TTC28: variants seen among roughly 807,000 people sequenced by gnomAD.
The protein encoded by TTC28 is tetratricopeptide repeat protein 28.
In TTC28, 61 loss-of-function variants were observed where a neutral mutation model predicts 198.0. That is an observed-to-expected ratio of 0.31 (90% CI 0.25 to 0.38). The LOEUF (loss-of-function observed/expected upper bound fraction) is 0.38. Ranked by LOEUF, TTC28 falls within the 10% of genes least tolerant of loss-of-function variation. The pLI is 1.00. For synonymous variants in TTC28, 1,171 were observed against 1,297.8 expected (o/e 0.90, Z 2.10); for missense variants, 2,678 against 3,164.0 (o/e 0.85, Z 3.69).
At chr22:28,163,636 C>T (rs775206143) in intron 5 of TTC28, 37 bp from the exon 6 acceptor site, 3 of 1,476,136 alleles carry the variant, frequency 2.0e-6, no homozygotes, top group Non-Finnish European at 1.8e-6. Flanking sequence ...AATGAAAACA[C>T]ATCAGAATGG....
At chr22:28,230,026 G>A (rs16986168) in intron 5 of TTC28, among the ~76,000 whole-genome samples, 1 of 152,114 alleles carries the variant, frequency 6.6e-6, no homozygotes, top group African/African-American at 2.4e-5. Flanking sequence ...TGGGAACCTG[G>A]TATCCAGTTT....
At chr22:28,132,856 G>C (rs950613134) in intron 6 of TTC28, among the ~76,000 whole-genome samples, 15 of 152,150 alleles carry the variant, frequency 9.9e-5, no homozygotes, top group African/African-American at 3.6e-4. Context: ...TTCTCTAAAA[G>C]TCACAGTTTC....
At chr22:28,138,026 T>A (rs538586449) in intron 6 of TTC28, among the ~76,000 whole-genome samples, 288 of 151,438 alleles carry the variant, frequency 1.9e-3, no homozygotes, top group African/African-American at 5.9e-3. Context: ...TGTTTTTTTT[T>A]AAAAAAAAGG....
At chr22:28,211,889 C>T (rs1249733485) in intron 5 of TTC28, among the ~76,000 whole-genome samples, 1 of 152,134 alleles carries the variant, frequency 6.6e-6, no homozygotes, top group Non-Finnish European at 1.5e-5. Flanking sequence ...AAATAAAGCA[C>T]TCCTCAGCAA....
At position 28,011,044 on chromosome 22, in the gene TTC28, C is replaced by T. The variant is rs549103552; in HGVS notation, c.4218+3204G>A. On this transcript the variant is annotated intron_variant, in intron 14 of 22. Coordinates refer to ENST00000397906, the MANE Select transcript of TTC28 (RefSeq NM_001145418.2). ...AGTCCAATCAGGCACAGCTGCCTCTCTGTATCCCTGGGGGATTATTCCAGG... is the reference window on the plus strand; with the variant it reads ...AGTCCAATCAGGCACAGCTGCCTCTTTGTATCCCTGGGGGATTATTCCAGG... 7.2e-5 allele frequency among the ~76,000 whole-genome samples: 11 copies of T among 152,286 alleles called. No homozygotes were observed. The South Asian group carries it at 1.5e-3, about 20-fold the overall frequency.
At chr22:28,463,591 G>T (rs1231943043) in intron 2 of TTC28, among the ~76,000 whole-genome samples, 4 of 152,124 alleles carry the variant, frequency 2.6e-5, no homozygotes, top group Non-Finnish European at 5.9e-5. Flanking sequence ...CCATAAAAAA[G>T]GATGAGTCAT....
At chr22:28,522,169 C>T (rs1035429196) in intron 2 of TTC28, among the ~76,000 whole-genome samples, 1 of 152,118 alleles carries the variant, frequency 6.6e-6, no homozygotes, top group Non-Finnish European at 1.5e-5. Context: ...TAAGAACTTT[C>T]ATAGTACCAT....
In TTC28 at chr22:28,049,901, C is replaced by G. The variant is rs534900516; in HGVS notation, c.3933-19535G>C. On this transcript the variant is annotated intron_variant, in intron 12 of 22. Coordinates refer to ENST00000397906, the MANE Select transcript of TTC28 (RefSeq NM_001145418.2). ...AGGTGAGTATCTCTGGGCCCTTCCA[C>G]TGGGCCTCTGAAACAAAGTACCCAT... 2.6e-5 allele frequency among the ~76,000 whole-genome samples: 4 copies of G among 152,204 alleles called. No homozygotes were observed. The South Asian group carries it at 8.3e-4, about 32-fold the overall frequency.
intron 12 of TTC28, among the ~76,000 whole-genome samples, chr22:28,054,113 G>C (rs1279670803): frequency 2.0e-5 from 3 of 152,180 alleles, no homozygotes; most frequent in Non-Finnish European, 4.4e-5. Context: ...CCCTCCTAGA[G>C]AGAAAGTAAG....
At chr22:28,050,331 G>A (rs548545327) in intron 12 of TTC28, among the ~76,000 whole-genome samples, 1 of 152,282 alleles carries the variant, frequency 6.6e-6, no homozygotes, top group African/African-American at 2.4e-5. Context: ...ATTTCCATTA[G>A]CACAGCCCTC....
intron 2 of TTC28, among the ~76,000 whole-genome samples, chr22:28,354,718 C>T (rs771152991): frequency 3.3e-5 from 5 of 152,178 alleles, no homozygotes; most frequent in Middle Eastern, 3.4e-3. Flanking sequence ...AAAGAACAAA[C>T]AAGAAAGCAA....
At chr22:28,245,278 T>C (rs890064299) in intron 5 of TTC28, among the ~76,000 whole-genome samples, 4 of 152,196 alleles carry the variant, frequency 2.6e-5, no homozygotes, top group African/African-American at 9.6e-5. Flanking sequence ...GGCAAAATCA[T>C]AGACTTTCAA....
intron 7 of TTC28, among the ~76,000 whole-genome samples, chr22:28,106,088 A>G (rs1942292550): frequency 6.6e-6 from 1 of 152,236 alleles, no homozygotes; most frequent in South Asian, 2.1e-4. Context: ...GCACAATGAT[A>G]GCAAGTGAAC....
intron 12 of TTC28, among the ~76,000 whole-genome samples, chr22:28,057,122 G>A (rs1419455090): frequency 6.6e-6 from 1 of 152,056 alleles, no homozygotes; most frequent in African/African-American, 2.4e-5. Flanking sequence ...TTCTTTTTGT[G>A]AACATATATT....
rs59531236 is a variant in TTC28, at chr22:28,081,152, TACACACACACACAC to T, written c.3932+12914_3932+12927del. On this transcript the variant is annotated intron_variant, in intron 12 of 22. Coordinates refer to ENST00000397906, the MANE Select transcript of TTC28 (RefSeq NM_001145418.2). Reference sequence around the variant, plus strand: ...ATTATATACATAATATGGACATACATACACACACACACACACACACACACATATTTATGTACATA... The same window carrying T: ...ATTATATACATAATATGGACATACATACACACACACATATTTATGTACATA... 6.7e-5 allele frequency among the ~76,000 whole-genome samples: 10 copies of T among 149,128 alleles called. No individual in the cohort carries two copies. The East Asian group carries it at 2.0e-3, about 29-fold the overall frequency.
At chr22:28,113,718 G>T (rs1281735621) in intron 6 of TTC28, among the ~76,000 whole-genome samples, 1 of 152,126 alleles carries the variant, frequency 6.6e-6, no homozygotes, top group Admixed American at 6.5e-5. Context: ...TTTAAAAATT[G>T]TGTGTGTGTG....
chr22:28,260,620 G>A (rs560825566), intron 5 of TTC28, among the ~76,000 whole-genome samples: 42 of 152,136 alleles, frequency 2.8e-4, no homozygotes, highest in Admixed American at 1.5e-3. Context: ...AGCCAAATGC[G>A]CAAACTTTGC....
Position 28,297,841 on chromosome 22 carries a change from G to A in TTC28, c.541C>T (p.Pro181Ser). 6.4e-7 allele frequency: 1 copy of A among 1,551,036 alleles called. No individual in the cohort carries two copies. The highest frequency in any genetic ancestry group is 8.7e-7 in the Non-Finnish European group (1 of 1,146,676). ...MKSPMRDSLE[P>S]TYQQLQKMKL... is the part of the protein sequence containing the mutation. The stretch of plus-strand genomic sequence containing the variant: ...ATTTTCTGAAGCTGCTGATAAGTGG[G>A]CTCGAGGGAGTCTGAAAATAAACAA... The change falls in exon 4 of 23, where the codon CCC becomes TCC. Residue 181 changes from proline (P) to serine (S), a missense_variant. Transcript: ENST00000397906.
At chr22:28,075,021 G>GA in intron 12 of TTC28, among the ~76,000 whole-genome samples, 1 of 152,152 alleles carries the variant, frequency 6.6e-6, no homozygotes, top group East Asian at 1.9e-4. Flanking sequence ...TCAGGAGGCA[G>GA]AGGTTTCAGT....
Sources: allele counts gnomAD v4.1 joint callset (sites outside exome capture counted in the v4.1 genomes callset), GRCh38; gene constraint gnomAD v4.1.1; transcripts MANE v1.5; gene names NCBI Gene and HGNC (gene_info 2026-07-23, HGNC 2026-07-21).